FOXN3: variants seen among roughly 807,000 people sequenced by gnomAD.
FOXN3 encodes forkhead box N3.
FOXN3 carries 7 observed loss-of-function variants against 38.4 expected under a neutral mutation model. That is an observed-to-expected ratio of 0.18 (90% CI 0.10 to 0.34). FOXN3 has a LOEUF of 0.34. Ranked by LOEUF, FOXN3 falls within the 10% of genes least tolerant of loss-of-function variation. The pLI, the probability that FOXN3 is intolerant of heterozygous loss-of-function variation, is 1.00. For synonymous variants in FOXN3, 230 were observed against 242.2 expected (o/e 0.95, Z 0.47); for missense variants, 456 against 613.4 (o/e 0.74, Z 2.71).
chr14:89,175,486 G>T (rs915440519), intron 5 of FOXN3, among the ~76,000 whole-genome samples: 1 of 152,172 alleles, frequency 6.6e-6, no homozygotes, highest in East Asian at 1.9e-4. Context: ...TGAGAGACAG[G>T]CTAGGTGAAT....
At chr14:89,401,100 A>G (rs570515695) in intron 2 of FOXN3, among the ~76,000 whole-genome samples, 2 of 152,258 alleles carry the variant, frequency 1.3e-5, no homozygotes, top group East Asian at 3.9e-4. Flanking sequence ...ATGCTTCTAA[A>G]ATGACTGAAG....
At chr14:89,263,884 T>G (rs1479660724) in intron 4 of FOXN3, 2 of 152,038 alleles carry the variant, frequency 1.3e-5, no homozygotes. Flanking sequence ...AAACCCTGTC[T>G]CTACTAAAAA....
At chr14:89,272,630 TC>T in intron 4 of FOXN3, among the ~76,000 whole-genome samples, 1 of 152,294 alleles carries the variant, frequency 6.6e-6, no homozygotes, top group African/African-American at 2.4e-5. Context: ...GGCGGGCAGA[TC>T]ACCTGAGGTC....
intron 1 of FOXN3, among the ~76,000 whole-genome samples, chr14:89,503,764 T>C (rs967392585): frequency 2.6e-5 from 4 of 152,180 alleles, no homozygotes; most frequent in African/African-American, 9.7e-5. Context: ...GTTTGGTCAC[T>C]GGTGAAGGAG....
intron 4 of FOXN3, among the ~76,000 whole-genome samples, chr14:89,209,356 A>G (rs1176796935): frequency 6.6e-6 from 1 of 152,338 alleles, no homozygotes; most frequent in East Asian, 1.9e-4. Context: ...TATTTTTCCA[A>G]TGATATTTCA....
chr14:89,463,787 T>C (rs1237180315), intron 1 of FOXN3, among the ~76,000 whole-genome samples: 5 of 81,954 alleles, frequency 6.1e-5, no homozygotes, highest in Non-Finnish European at 1.5e-4. Flanking sequence ...TCTCTCTCTT[T>C]TTTTTTTTTT....
intron 2 of FOXN3, among the ~76,000 whole-genome samples, chr14:89,382,649 C>A (rs568840285): frequency 9.9e-5 from 15 of 152,222 alleles, no homozygotes; most frequent in Non-Finnish European, 1.9e-4. Flanking sequence ...TCTGCTCCTT[C>A]CTAGCTGTGT....
At chr14:89,493,473 T>C (rs1048891067) in intron 1 of FOXN3, among the ~76,000 whole-genome samples, 2 of 152,330 alleles carry the variant, frequency 1.3e-5, no homozygotes, top group African/African-American at 2.4e-5. Context: ...CATCTTTACT[T>C]GGTTGCTCTG....
intron 1 of FOXN3, among the ~76,000 whole-genome samples, chr14:89,568,094 G>A (rs368653198): frequency 1.3e-5 from 2 of 151,514 alleles, no homozygotes; most frequent in Admixed American, 6.6e-5. Flanking sequence ...CTATCCTCTC[G>A]CTGCCCCCCC....
At chr14:89,209,674 T>C (rs1195490960) in intron 4 of FOXN3, among the ~76,000 whole-genome samples, 6 of 152,238 alleles carry the variant, frequency 3.9e-5, no homozygotes, top group African/African-American at 1.4e-4. Flanking sequence ...ACTTACCCAC[T>C]ATTCAGAGAT....
chr14:89,283,514 G>A (rs1886524926), intron 3 of FOXN3, among the ~76,000 whole-genome samples: 1 of 152,170 alleles, frequency 6.6e-6, no homozygotes, highest in Non-Finnish European at 1.5e-5. Context: ...AAATTACTTA[G>A]AAGTGTCTAT....
At position 89,273,235 on chromosome 14, in the gene FOXN3, G is replaced by A. The variant is rs925786480; in HGVS notation, c.745+7715C>T. 2.0e-5 allele frequency among the ~76,000 whole-genome samples: 3 copies of A among 151,984 alleles called. No homozygotes were observed. The South Asian group carries it at 6.2e-4, about 32-fold the overall frequency. On this transcript the variant is annotated intron_variant, in intron 4 of 5. Coordinates refer to ENST00000557258, the MANE Select transcript of FOXN3 (RefSeq NM_005197.4). ...CTCCCCGCCCTGATTCCCCTCTTCC[G>A]AAGTCCAGCCTCAGTTTCCACCTCC...
intron 3 of FOXN3, among the ~76,000 whole-genome samples, chr14:89,325,771 T>C (rs1888065664): frequency 6.6e-6 from 1 of 152,126 alleles, no homozygotes; most frequent in South Asian, 2.1e-4. Flanking sequence ...GTGGCAGGTA[T>C]AGAACTGCAC....
intron 1 of FOXN3, among the ~76,000 whole-genome samples, chr14:89,554,850 G>A (rs951848531): frequency 6.4e-5 from 9 of 140,720 alleles, no homozygotes; most frequent in African/African-American, 2.1e-4. Flanking sequence ...GTGCAGTGGC[G>A]TGATCTCAGC....
chr14:89,447,767 T>C (rs11845173), intron 1 of FOXN3, among the ~76,000 whole-genome samples: 9,930 of 150,828 alleles, frequency 0.066, 407 homozygotes, highest in Middle Eastern at 0.11. Context: ...TGTAAATATC[T>C]GCAGTTGAAA....
At chr14:89,504,221 C>T (rs1027235425) in intron 1 of FOXN3, among the ~76,000 whole-genome samples, 22 of 152,218 alleles carry the variant, frequency 1.4e-4, no homozygotes, top group Admixed American at 1.2e-3. Context: ...GGGACACCAA[C>T]CCCCAGAAGA....
intron 1 of FOXN3, among the ~76,000 whole-genome samples, chr14:89,612,920 C>G (rs528407496): frequency 6.6e-6 from 1 of 151,890 alleles, no homozygotes; most frequent in Admixed American, 6.5e-5. Flanking sequence ...CAGTTTCAGA[C>G]GAGCCTGGCC....
chr14:89,407,395 T>C (rs188506830), intron 2 of FOXN3, among the ~76,000 whole-genome samples: 1 of 152,358 alleles, frequency 6.6e-6, no homozygotes, highest in African/African-American at 2.4e-5. Flanking sequence ...CAGGGATATC[T>C]GAATATGGAC....
chr14:89,432,895 G>A (rs750179977), intron 1 of FOXN3, among the ~76,000 whole-genome samples: 1 of 151,928 alleles, frequency 6.6e-6, no homozygotes, highest in African/African-American at 2.4e-5. Flanking sequence ...TGCCCAGGTC[G>A]GTCTCAAACT....
Sources: allele counts gnomAD v4.1 joint callset (sites outside exome capture counted in the v4.1 genomes callset), GRCh38; gene constraint gnomAD v4.1.1; transcripts MANE v1.5; gene names NCBI Gene and HGNC (gene_info 2026-07-23, HGNC 2026-07-21).